AATK: variants seen among roughly 807,000 people sequenced by gnomAD.
AATK encodes the protein lemur tail kinase 1.
In AATK, 91 loss-of-function variants were observed where a neutral mutation model predicts 114.3. That is an observed-to-expected ratio of 0.80 (90% CI 0.67 to 0.95). The LOEUF (loss-of-function observed/expected upper bound fraction) is 0.95, where lower values mean the gene tolerates loss of function less well. Among genes scored for constraint, AATK ranks in the 40% least tolerant of loss-of-function variants. The pLI, the probability that AATK is intolerant of heterozygous loss-of-function variation, is 0.00. For synonymous variants in AATK, 1,075 were observed against 916.5 expected (o/e 1.17, Z -3.12); for missense variants, 2,176 against 1,965.2 (o/e 1.11, Z -2.03).
chr17:81,120,045 G>T lies in AATK; in HGVS notation c.3774C>A (p.Gly1258=). 1.4e-6 allele frequency: 2 copies of T among 1,455,592 alleles called. No homozygotes were observed. The highest frequency in any genetic ancestry group is 1.8e-6 in the Non-Finnish European group (2 of 1,101,372). 90.2% of individuals were successfully genotyped at this position (1,455,592 alleles called of 1,614,324 possible). ...GGAACGTAGGGGGCGATTCCTTGGC[G>T]CCCGGGAAGGGCTCCCCGAGCTCCC... ...PTRELGEPFP[G]AKESPPTFLR... Residue 1258 remains glycine, a synonymous_variant, in exon 12 of 14, where the codon GGC becomes GGA. Transcript: ENST00000326724.
intron 1 of AATK, among the ~76,000 whole-genome samples, chr17:81,137,730 G>A (rs1386001701): frequency 4.6e-5 from 7 of 151,346 alleles, no homozygotes; most frequent in East Asian, 3.9e-4. Flanking sequence ...ATGACAACGC[G>A]AAACATACAT....
At chr17:81,131,842 G>A (rs1224982337) in intron 2 of AATK, 2 of 1,301,576 alleles carry the variant, frequency 1.5e-6, no homozygotes, top group Non-Finnish European at 2.0e-6. Context: ...GGGACAAGGA[G>A]CATTCCTGGA....
In AATK at chr17:81,129,276, C is replaced by T. The variant is rs559103569; in HGVS notation, c.335-727G>A. Among the ~76,000 whole-genome samples the T allele has an allele frequency of 5.9e-5, 9 of 152,314 alleles. No homozygotes were observed. In the South Asian group the frequency reaches 1.7e-3, roughly 28 times the overall value. ...CCTGGAGACCCAGAGAATGTAGAGGCGGGGCAGGGCAGAATTGAGCGTGTG... is the reference window on the plus strand; with the variant it reads ...CCTGGAGACCCAGAGAATGTAGAGGTGGGGCAGGGCAGAATTGAGCGTGTG... On this transcript the variant is annotated intron_variant, in intron 3 of 13. Transcript: ENST00000326724.
At position 81,127,814 on chromosome 17, in the gene AATK, G is replaced by T. The variant is rs1178729555; in HGVS notation, c.511C>A (p.Leu171Met). The T allele has an allele frequency of 3.9e-6, 6 of 1,535,122 alleles. No individual in the cohort carries two copies. Among genetic ancestry groups the T allele is most frequent in the Non-Finnish European group, 5.3e-6 (6 of 1,134,450 alleles). ...CACCTGTAGGGCTGCACCTCCTCCA[G>T]GAACTGCATCTGCTCCTGCACGCTG... is the stretch of plus-strand genomic sequence containing the variant. ...SASVQEQMQF[L>M]EEVQPYRALK... is the part of the protein sequence containing the mutation. Residue 171 changes from leucine (L) to methionine (M), a missense_variant, in exon 5 of 14, where the codon CTG becomes ATG. By Grantham distance (15) the Leu-to-Met change is conservative. Transcript: ENST00000326724.
intron 1 of AATK, among the ~76,000 whole-genome samples, chr17:81,140,282 G>A (rs1370181539): frequency 2.0e-5 from 3 of 152,200 alleles, no homozygotes; most frequent in African/African-American, 7.2e-5. Flanking sequence ...TTTCGTATCA[G>A]TGCTCAAGAC....
chr17:81,129,864 G>A (rs949580801), intron 3 of AATK, among the ~76,000 whole-genome samples: 2 of 152,170 alleles, frequency 1.3e-5, no homozygotes, highest in Admixed American at 6.5e-5. Context: ...AGTCCTCCGC[G>A]CCCGCCCACA....
chr17:81,120,362 G>T lies in AATK; in HGVS notation c.3574C>A (p.Pro1192Thr), dbSNP rs55856613. The change falls in exon 11 of 14, where the codon CCG becomes ACG. Residue 1192 changes from proline to threonine, a missense_variant. Physicochemically the swap from Pro to Thr is conservative, Grantham distance 38. Transcript: ENST00000326724. The stretch of plus-strand genomic sequence containing the variant: ...TCAGCCACCACCACGGGCACCGCCG[G>T]CGCCTCCTCTTCGCTGTCCTCGCTA... ...EPSEDSEEEAPAVPVVVAESQ... is the reference protein window; with the variant it reads ...EPSEDSEEEATAVPVVVAESQ... The T allele has an allele frequency of 6.2e-7, 1 of 1,609,742 alleles. No individual in the cohort carries two copies. The highest frequency in any genetic ancestry group is 1.1e-5 in the South Asian group (1 of 90,906).
intron 1 of AATK, chr17:81,136,011 G>A (rs1434379411): frequency 6.6e-6 from 1 of 152,258 alleles, no homozygotes; most frequent in Non-Finnish European, 1.5e-5. Flanking sequence ...TGCACACCGG[G>A]TAAGCCCCGC....
rs1447515627 is a variant in AATK, at chr17:81,127,626, G to A, written c.578C>T (p.Ala193Val). ...SNLLQCLAQC[A>V]EVTPYLLVME... The stretch of plus-strand genomic sequence containing the variant: ...CACCAGCAGGTAGGGCGTCACCTCG[G>A]CGCACTGGGCCAGGCACTGGAGCAG... Residue 193 changes from alanine to valine, a missense_variant, in exon 6 of 14, where the codon GCC becomes GTC. This residue lies in a region of AATK where 273 missense variants were observed against 344.1 expected (regional missense o/e 0.79). Coordinates refer to ENST00000326724, the MANE Select transcript of AATK (RefSeq NM_001080395.3). 1.2e-6 allele frequency: 2 copies of A among 1,601,462 alleles called. No homozygotes were observed. Among genetic ancestry groups the A allele is most frequent in the East Asian group, 2.3e-5 (1 of 44,370 alleles).
intron 1 of AATK, among the ~76,000 whole-genome samples, chr17:81,140,362 C>T (rs964356440): frequency 1.3e-5 from 2 of 152,202 alleles, no homozygotes; most frequent in African/African-American, 4.8e-5. Flanking sequence ...TAATGTGTTA[C>T]TGTAATTGTT....
Position 81,155,499 on chromosome 17 carries a change from G to C in AATK, c.55+10439C>G, listed in dbSNP as rs1159794950. Among the ~76,000 whole-genome samples, 3 of 151,920 alleles carry C rather than the reference G, an allele frequency of 2.0e-5. No homozygotes were observed. The East Asian group carries it at 5.8e-4, about 29-fold the overall frequency. On this transcript the variant is annotated intron_variant, in intron 1 of 13. Transcript: ENST00000326724. ...CCTCCCGGATTCAAGTGATTCTCCT[G>C]CCTCAGCCTCCCGAGCAGCTGGATT...
In AATK at chr17:81,127,898, C is replaced by A; in HGVS notation, c.427G>T (p.Glu143Ter). Residue 143 changes from glutamate to a stop codon, truncating the protein, a stop_gained, in exon 5 of 14, where the codon GAG (glutamate) becomes TAG (stop). Coordinates refer to ENST00000326724, the MANE Select transcript of AATK (RefSeq NM_001080395.3). LOFTEE classifies it high-confidence loss of function. ...GCACTGCTGATGCCAGAGTTCACCT[C>A]CCCCAGGAACACCTGTGGGACAGAC... ...RGWFGKVFLG[E>*]VNSGISSAQV... is the part of the protein sequence containing the mutation. 6.5e-7 allele frequency: 1 copy of A among 1,548,962 alleles called. No individual in the cohort carries two copies.
At chr17:81,128,619 TG>T in intron 3 of AATK, 70 bp from the exon 4 acceptor site, 1 of 1,541,088 alleles carries the variant, frequency 6.5e-7, no homozygotes, top group Non-Finnish European at 8.8e-7. Flanking sequence ...ACCCGGCCCC[TG>T]GAGGGGCTGC....
intron 1 of AATK, among the ~76,000 whole-genome samples, chr17:81,154,416 G>A (rs1234213901): frequency 2.0e-5 from 3 of 150,264 alleles, no homozygotes; most frequent in East Asian, 2.0e-4. Context: ...CGCCTCCCGG[G>A]TTCAAGCAAT....
rs1021779037 is a variant in AATK, at chr17:81,120,684, T to G, written c.3252A>C (p.Gln1084His). 10 of 1,514,782 alleles carry G rather than the reference T, an allele frequency of 6.6e-6. No homozygotes were observed. Among genetic ancestry groups the G allele is most frequent in the African/African-American group, 1.4e-5 (1 of 72,024 alleles). The allele number at this position is 1,514,782 out of a possible 1,614,324, so 93.8% of individuals were successfully genotyped here. Residue 1084 changes from glutamine to histidine, a missense_variant, in exon 11 of 14, where the codon CAA (glutamine) becomes CAC (histidine). Gln to His is a conservative substitution (Grantham distance 24). Coordinates refer to ENST00000326724, the MANE Select transcript of AATK (RefSeq NM_001080395.3). ...SGLVPEPPEP[Q>H]GPAKVRPGPS... ...GCCCAGGCCGCACCTTGGCTGGGCC[T>G]TGGGGCTCCGGAGGCTCTGGGACCA...
rs1389098593 is a variant in AATK, at chr17:81,155,366, T to C, written c.55+10572A>G. Among the ~76,000 whole-genome samples, 5 of 149,814 alleles carry C rather than the reference T, an allele frequency of 3.3e-5. No homozygotes were observed. The East Asian group carries it at 9.8e-4, about 29-fold the overall frequency. On this transcript the variant is annotated intron_variant, in intron 1 of 13. Coordinates refer to ENST00000326724, the MANE Select transcript of AATK (RefSeq NM_001080395.3). ...GCACGGCTTCATATGTCTCCCTTTTTAATACATTTTACCTATTATTATTAT... is the reference window on the plus strand; with the variant it reads ...GCACGGCTTCATATGTCTCCCTTTTCAATACATTTTACCTATTATTATTAT...
intron 1 of AATK, among the ~76,000 whole-genome samples, chr17:81,155,641 C>A (rs1046185430): frequency 7.2e-5 from 11 of 152,086 alleles, no homozygotes; most frequent in African/African-American, 2.7e-4. Flanking sequence ...ACCTCGGCCT[C>A]CCAAAGTGCT....
At chr17:81,160,964 G>A (rs537681568) in intron 1 of AATK, among the ~76,000 whole-genome samples, 7 of 152,286 alleles carry the variant, frequency 4.6e-5, no homozygotes, top group South Asian at 4.1e-4. Context: ...CTGTGGCCCC[G>A]GCCTGCTTCC....
At position 81,158,131 on chromosome 17, in the gene AATK, TGCAGGGCC is replaced by T. The variant is rs1403327539; in HGVS notation, c.55+7799_55+7806del. Among the ~76,000 whole-genome samples the T allele has an allele frequency of 1.1e-4, 16 of 152,304 alleles. No individual in the cohort carries two copies. The East Asian group carries it at 2.7e-3, about 26-fold the overall frequency. On this transcript the variant is annotated intron_variant, in intron 1 of 13. Coordinates refer to ENST00000326724, the MANE Select transcript of AATK (RefSeq NM_001080395.3). ...GCCACGGGTATTTCTAGACAAGACT[TGCAGGGCC>T]GCCCGTCACAGAAGGAAAAATAAAA...
Sources: gnomAD v4.1 joint callset for allele counts (sites outside exome capture counted in the v4.1 genomes callset) on GRCh38, gnomAD v4.1.1 for gene constraint, gnomAD v4.1.1 regional missense constraint, MANE v1.5 for transcripts, NCBI Gene and HGNC (gene_info 2026-07-23, HGNC 2026-07-21) for gene names.